Variants in AHRR observed in about 807,000 individuals in gnomAD.
AHRR encodes aryl hydrocarbon receptor repressor.
Under a neutral mutation model 44.0 loss-of-function variants are expected in AHRR, and 28 were observed. That is an observed-to-expected ratio of 0.64 (90% CI 0.47 to 0.87). The LOEUF (loss-of-function observed/expected upper bound fraction) is 0.87, where lower values mean the gene tolerates loss of function less well. Among genes scored for constraint, AHRR ranks in the 40% least tolerant of loss-of-function variants. The pLI is 0.00. For synonymous variants in AHRR, 434 were observed against 407.0 expected (o/e 1.07, Z -0.80); for missense variants, 990 against 953.9 (o/e 1.04, Z -0.50).
intron 5 of AHRR, among the ~76,000 whole-genome samples, chr5:418,160 T>C (rs1431053004): frequency 6.6e-6 from 1 of 152,226 alleles, no homozygotes; most frequent in Non-Finnish European, 1.5e-5. Context: ...TTGGAAATGA[T>C]TTTATTCTAA....
intron 1 of AHRR, among the ~76,000 whole-genome samples, chr5:339,402 T>G (rs1175694521): frequency 2.0e-5 from 3 of 152,262 alleles, no homozygotes; most frequent in African/African-American, 7.2e-5. Flanking sequence ...ATTATAGGTG[T>G]GAGCCACTTC....
intron 5 of AHRR, among the ~76,000 whole-genome samples, chr5:415,697 C>CCGAGTCTGCCTGGTCGGCTG (rs1560916484): frequency 2.0e-5 from 3 of 151,432 alleles, no homozygotes; most frequent in Non-Finnish European, 2.9e-5. Flanking sequence ...GGCCTAGGGG[C>CCGAGTCTGCCTGGTCGGCTG]GGAGTCTGCC....
rs1429804417 is a variant in AHRR at position 432,602 on chromosome 5, G to C, written c.970+78G>C. On this transcript the variant is annotated intron_variant, in intron 9 of 10. Coordinates refer to ENST00000684583, the MANE Select transcript of AHRR (RefSeq NM_001377236.1). The stretch of plus-strand genomic sequence containing the variant: ...TGCCCTTGGAGAGCTTCCCCGCCCA[G>C]TGGAGATGTTGGCGTATTCCATGGA... 3 of 1,552,130 alleles carry C rather than the reference G, an allele frequency of 1.9e-6. No homozygotes were observed. The African/African-American group carries it at 4.1e-5, about 21-fold the overall frequency.
intron 4 of AHRR, among the ~76,000 whole-genome samples, chr5:398,583 G>T (rs1734871240): frequency 6.6e-6 from 1 of 152,238 alleles, no homozygotes; most frequent in South Asian, 2.1e-4. Context: ...AGCAGGCAGT[G>T]TCAGCACAGG....
intron 1 of AHRR, among the ~76,000 whole-genome samples, chr5:329,220 C>T (rs1560876855): frequency 6.6e-6 from 1 of 151,484 alleles, no homozygotes; most frequent in African/African-American, 2.4e-5. Context: ...TTTTTTGCTT[C>T]GAGATGGGAT....
At chr5:432,778 G>A (rs369894151) in intron 9 of AHRR, 28 bp from the exon 10 acceptor site, 25 of 1,611,606 alleles carry the variant, frequency 1.6e-5, no homozygotes, top group Admixed American at 6.7e-5. Context: ...GCACCGTGAC[G>A]GCTTCCCCCC....
chr5:376,530 A>C (rs1733672645), intron 3 of AHRR, 80 bp from the exon 4 acceptor site: 42 of 1,449,936 alleles, frequency 2.9e-5, no homozygotes, highest in Middle Eastern at 1.8e-4. Context: ...AACGCGGGGA[A>C]ACACAGGAAA....
intron 8 of AHRR, among the ~76,000 whole-genome samples, chr5:431,863 CAG>C (rs1736749196): frequency 6.6e-6 from 1 of 152,204 alleles, no homozygotes; most frequent in South Asian, 2.1e-4. Context: ...GCCCAGAGGA[CAG>C]AGAGGAGGGC....
chr5:355,267 G>A (rs144333516), intron 3 of AHRR, among the ~76,000 whole-genome samples: 1 of 152,046 alleles, frequency 6.6e-6, no homozygotes, highest in East Asian at 1.9e-4. Flanking sequence ...GGTGTGGTCT[G>A]GTGTGGTGGA....
At chr5:325,349 CT>C (rs1741668394) in intron 1 of AHRR, among the ~76,000 whole-genome samples, 2 of 152,188 alleles carry the variant, frequency 1.3e-5, no homozygotes, top group South Asian at 4.1e-4. Context: ...TGGGTTTGCT[CT>C]ATGCCCGGCC....
Position 427,718 on chromosome 5 carries a change from C to T in AHRR, c.709-89C>T, listed in dbSNP as rs749064750. ...GAGCTGCCTCCCTACGAATTCCAGC[C>T]GCTGTCGCGCCCTTGAGTTCTGTGT... On this transcript the variant is annotated intron_variant, in intron 7 of 10. Coordinates refer to ENST00000684583, the MANE Select transcript of AHRR (RefSeq NM_001377236.1). 47 of 1,613,682 alleles carry T rather than the reference C, an allele frequency of 2.9e-5. 1 individual carries two copies. The highest frequency in any genetic ancestry group is 1.8e-4 in the South Asian group (16 of 91,076).
At chr5:359,549 G>A (rs1330271660) in intron 3 of AHRR, among the ~76,000 whole-genome samples, 1 of 152,224 alleles carries the variant, frequency 6.6e-6, no homozygotes, top group Non-Finnish European at 1.5e-5. Flanking sequence ...AAAGTAGGGA[G>A]GAGAGAAGGT....
intron 2 of AHRR, among the ~76,000 whole-genome samples, chr5:349,083 T>G (rs1196919946): frequency 6.6e-6 from 1 of 152,246 alleles, no homozygotes. Context: ...AGGATAACTT[T>G]ATGTGCTTCT....
chr5:427,978 G>A lies in AHRR; in HGVS notation c.880G>A (p.Ala294Thr), dbSNP rs541442479. 6.2e-7 allele frequency: 1 copy of A among 1,613,990 alleles called. No homozygotes were observed. The highest frequency in any genetic ancestry group is 1.1e-5 in the South Asian group (1 of 91,078). The change falls in exon 8 of 11, where the codon GCA becomes ACA. Residue 294 changes from alanine (A) to threonine (T), a missense_variant. Ala to Thr is a moderately conservative substitution (Grantham distance 58, BLOSUM62 0). Transcript: ENST00000684583. ...RSALLRAKPRADTAATADAKV... is the reference protein window; with the variant it reads ...RSALLRAKPRTDTAATADAKV... Reference sequence around the variant, plus strand: ...CGCGCTCCTGAGGGCAAAACCCAGAGCAGACACCGCAGCCACCGCGGATGC... The same window carrying A: ...CGCGCTCCTGAGGGCAAAACCCAGAACAGACACCGCAGCCACCGCGGATGC...
At chr5:390,866 A>T (rs1396773462) in intron 4 of AHRR, among the ~76,000 whole-genome samples, 1 of 152,160 alleles carries the variant, frequency 6.6e-6, no homozygotes, top group East Asian at 1.9e-4. Flanking sequence ...ACGCCTTCCA[A>T]CCTGGAGTTC....
Position 370,101 on chromosome 5 carries a change from G to C in AHRR, c.245-6509G>C, listed in dbSNP as rs559728615. ...CCTCGCTGGAAGCCCCGTCCTCCCG[G>C]GCCCTCGCTGGAAGCCCCGTCCTCC... On this transcript the variant is annotated intron_variant, in intron 3 of 10. Coordinates refer to ENST00000684583, the MANE Select transcript of AHRR (RefSeq NM_001377236.1). This position sits in a 1 kb window ranked among gnomAD's most constrained non-coding sequence, Gnocchi z 4.5. Among the ~76,000 whole-genome samples the C allele has an allele frequency of 1.4e-4, 21 of 150,110 alleles. 1 individual carries two copies. The highest frequency in any genetic ancestry group is 1.3e-3 in the South Asian group (6 of 4,742).
At position 345,421 on chromosome 5, in the gene AHRR, TGTGTGG is replaced by T. The variant is rs1327914276; in HGVS notation, c.62+1463_62+1468del. 6.3e-5 allele frequency among the ~76,000 whole-genome samples: 7 copies of T among 110,814 alleles called. No individual in the cohort carries two copies. The East Asian group carries it at 1.9e-3, about 31-fold the overall frequency. The allele number at this position is 110,814 out of a possible 152,430, so 72.7% of individuals were successfully genotyped here. ...CGGATGATGTCCCTGGCTGTGTGTG[TGTGTGG>T]GTGTGCGTGTGTGGGTGTGTGTGTG... On this transcript the variant is annotated intron_variant, in intron 2 of 10. Coordinates refer to ENST00000684583, the MANE Select transcript of AHRR (RefSeq NM_001377236.1).
At position 338,584 on chromosome 5, in the gene AHRR, G is replaced by GT. The variant is rs1472227481; in HGVS notation, c.-10-5308dup. On this transcript the variant is annotated intron_variant, in intron 1 of 10. Transcript: ENST00000684583. The surrounding 1 kb of genome is among the most constrained non-coding windows in gnomAD (Gnocchi z 4.1). ...TAGGCCAGGTACGTGGCTCATACCT[G>GT]TAATCCCAGCACTCTTGGAGGCCAA... Among the ~76,000 whole-genome samples, 4 of 152,256 alleles carry GT rather than the reference G, an allele frequency of 2.6e-5. No homozygotes were observed. Among genetic ancestry groups the GT allele is most frequent in the Non-Finnish European group, 4.4e-5 (3 of 68,028 alleles).
intron 1 of AHRR, among the ~76,000 whole-genome samples, chr5:325,816 C>T (rs751553813): frequency 2.4e-4 from 37 of 152,038 alleles, no homozygotes; most frequent in Non-Finnish European, 2.8e-4. Flanking sequence ...GAGTCCAGCT[C>T]TTGTTGCCCA....
Sources: allele counts gnomAD v4.1 joint callset (sites outside exome capture counted in the v4.1 genomes callset), GRCh38; gene constraint gnomAD v4.1.1; non-coding constraint Gnocchi (gnomAD v3.1); transcripts MANE v1.5; gene names NCBI Gene and HGNC (gene_info 2026-07-23, HGNC 2026-07-21).